Variants in MBOAT2 observed in about 807,000 individuals in gnomAD.
MBOAT2 encodes membrane bound glycerophospholipid O-acyltransferase 2.
Under a neutral mutation model 63.4 loss-of-function variants are expected in MBOAT2, and 28 were observed. The observed-to-expected ratio is 0.44, with a 90% CI of 0.33 to 0.61. The LOEUF (loss-of-function observed/expected upper bound fraction) is 0.61. MBOAT2 is among the 20% of genes least tolerant of loss of function. The pLI, the probability that MBOAT2 is intolerant of heterozygous loss-of-function variation, is 0.03. For synonymous variants in MBOAT2, 211 were observed against 215.6 expected, an observed-to-expected ratio of 0.98 and a Z score of 0.19; for missense variants, 470 against 605.8, an observed-to-expected ratio of 0.78 and a Z score of 2.35.
intron 4 of MBOAT2, among the ~76,000 whole-genome samples, chr2:8,896,089 A>T (rs1013841289): frequency 7.2e-5 from 11 of 152,014 alleles, no homozygotes; most frequent in Admixed American, 2.0e-4. Context: ...TGCAAAAAAA[A>T]TTATCCAGGC....
At chr2:8,874,043 A>G in intron 7 of MBOAT2, among the ~76,000 whole-genome samples, 1 of 152,272 alleles carries the variant, frequency 6.6e-6, no homozygotes, top group East Asian at 1.9e-4. Flanking sequence ...GGCTAGATCC[A>G]GATGAAGTAT....
intron 1 of MBOAT2, among the ~76,000 whole-genome samples, chr2:8,963,951 C>T (rs924513974): frequency 6.6e-6 from 1 of 152,224 alleles, no homozygotes; most frequent in East Asian, 1.9e-4. Flanking sequence ...TAATCACAGC[C>T]ACCTTGCACA....
At chr2:8,939,974 T>C (rs1196408732) in intron 3 of MBOAT2, among the ~76,000 whole-genome samples, 2 of 152,100 alleles carry the variant, frequency 1.3e-5, no homozygotes, top group East Asian at 3.9e-4. Context: ...TCAAATGAAA[T>C]TAGATTACTT....
intron 6 of MBOAT2, among the ~76,000 whole-genome samples, chr2:8,880,713 T>C (rs181421096): frequency 2.0e-5 from 3 of 151,640 alleles, no homozygotes; most frequent in Non-Finnish European, 4.4e-5. Context: ...AAAGAGCCAG[T>C]GAAGGAGGAG....
chr2:8,886,231 T>C (rs1663539998), intron 5 of MBOAT2, among the ~76,000 whole-genome samples: 1 of 152,252 alleles, frequency 6.6e-6, no homozygotes. Context: ...AAGTCCGTTC[T>C]CTGTGACTCC....
At chr2:8,903,013 G>A (rs192607632) in intron 4 of MBOAT2, among the ~76,000 whole-genome samples, 38 of 152,220 alleles carry the variant, frequency 2.5e-4, no homozygotes, top group African/African-American at 8.4e-4. Flanking sequence ...TGATTGGTGC[G>A]TTTACAATCC....
At chr2:8,969,774 G>A (rs1325061913) in intron 1 of MBOAT2, among the ~76,000 whole-genome samples, 2 of 152,144 alleles carry the variant, frequency 1.3e-5, no homozygotes, top group Non-Finnish European at 2.9e-5. Flanking sequence ...AGACAAAGAA[G>A]GCCATTATAT....
At chr2:8,876,743 A>T (rs1218845922) in intron 7 of MBOAT2, among the ~76,000 whole-genome samples, 1 of 152,162 alleles carries the variant, frequency 6.6e-6, no homozygotes, top group African/African-American at 2.4e-5. Flanking sequence ...GGGAGCCTGG[A>T]AAATTGTTAG....
intron 5 of MBOAT2, among the ~76,000 whole-genome samples, chr2:8,884,318 C>T (rs1195251903): frequency 6.7e-6 from 1 of 150,360 alleles, no homozygotes; most frequent in African/African-American, 2.4e-5. Flanking sequence ...TGATCACATA[C>T]CTACTTTTTA....
chr2:8,907,478 T>C (rs1665419816), intron 4 of MBOAT2, among the ~76,000 whole-genome samples: 1 of 152,198 alleles, frequency 6.6e-6, no homozygotes, highest in African/African-American at 2.4e-5. Context: ...CAATGTGACC[T>C]GGGCTACTTC....
chr2:8,993,346 T>A (rs1452776859), intron 1 of MBOAT2, among the ~76,000 whole-genome samples: 1 of 152,218 alleles, frequency 6.6e-6, no homozygotes, highest in Non-Finnish European at 1.5e-5. Context: ...GGTCCTTCAG[T>A]GAGCCTAACC....
chr2:8,901,759 G>A (rs1009569600), intron 4 of MBOAT2, among the ~76,000 whole-genome samples: 9 of 152,136 alleles, frequency 5.9e-5, no homozygotes, highest in African/African-American at 2.2e-4. Flanking sequence ...TCTGATTGGT[G>A]AGCCCGGGTG....
intron 5 of MBOAT2, among the ~76,000 whole-genome samples, chr2:8,883,912 T>C (rs1320254256): frequency 6.6e-6 from 1 of 151,784 alleles, no homozygotes; most frequent in Non-Finnish European, 1.5e-5. Flanking sequence ...CATAAGATGA[T>C]AAAGGAAATA....
intron 1 of MBOAT2, among the ~76,000 whole-genome samples, chr2:8,982,120 C>T (rs1671237292): frequency 1.3e-5 from 2 of 152,106 alleles, no homozygotes; most frequent in Admixed American, 1.3e-4. Context: ...GCGAGATAAC[C>T]CATGGCAGGG....
intron 1 of MBOAT2, among the ~76,000 whole-genome samples, chr2:8,961,829 C>T (rs189458089): frequency 6.6e-6 from 1 of 152,156 alleles, no homozygotes; most frequent in Non-Finnish European, 1.5e-5. Flanking sequence ...CACTTGATAC[C>T]CATCACCAGG....
chr2:9,000,981 TA>T (rs572114189), intron 1 of MBOAT2, among the ~76,000 whole-genome samples: 365 of 152,256 alleles, frequency 2.4e-3, no homozygotes, highest in African/African-American at 8.5e-3. Context: ...TTTTTTAATT[TA>T]AAAAACGATT....
intron 1 of MBOAT2, among the ~76,000 whole-genome samples, chr2:8,968,427 G>T (rs1670168870): frequency 6.6e-6 from 1 of 152,150 alleles, no homozygotes; most frequent in Non-Finnish European, 1.5e-5. Context: ...CAAAGATGGG[G>T]AAAAAACAGA....
At chr2:8,924,991 T>C (rs974774992) in intron 3 of MBOAT2, among the ~76,000 whole-genome samples, 2 of 152,106 alleles carry the variant, frequency 1.3e-5, no homozygotes, top group African/African-American at 2.4e-5. Flanking sequence ...TAAAAAAACA[T>C]TCAAAGCTTT....
chr2:8,897,246 CCTCT>C (rs749435525), intron 4 of MBOAT2, among the ~76,000 whole-genome samples: 12 of 151,792 alleles, frequency 7.9e-5, no homozygotes, highest in African/African-American at 2.2e-4. Flanking sequence ...TCTCTTTCAT[CCTCT>C]CTCTTTCTCT....
Sources: allele counts gnomAD v4.1 joint callset (sites outside exome capture counted in the v4.1 genomes callset), GRCh38; gene constraint gnomAD v4.1.1; transcripts MANE v1.5; gene names NCBI Gene and HGNC (gene_info 2026-07-23, HGNC 2026-07-21).